Variants in CCNB3 observed in about 807,000 individuals in gnomAD.
The protein encoded by CCNB3 is G2/mitotic-specific cyclin-B3.
Under a neutral mutation model 68.0 loss-of-function variants are expected in CCNB3, and 12 were observed. The observed-to-expected ratio is 0.18, with a 90% CI of 0.11 to 0.29. The LOEUF (loss-of-function observed/expected upper bound fraction) is 0.29. Among genes scored for constraint, CCNB3 ranks in the 10% least tolerant of loss-of-function variants. CCNB3 has a pLI of 1.00. For synonymous variants in CCNB3, 354 were observed against 388.9 expected (o/e 0.91, Z 1.06); for missense variants, 904 against 993.1 (o/e 0.91, Z 1.21).
intron 8 of CCNB3, among the ~76,000 whole-genome samples, chrX:50,334,322 C>T (rs1349533908): frequency 3.6e-5 from 4 of 112,587 alleles, no homozygotes; most frequent in Non-Finnish European, 5.6e-5. Context: ...AGCAGGGTGG[C>T]GGGATTTAGG....
rs1290682355 is a variant in CCNB3, at chrX:50,309,133, GAGA to G, written c.967_969del (p.Lys323del). ...GTCCTCCATTAAGAAGCCTACCACTGAGAAGGAGACACTTTTCCAAGAGCTATC... is the reference window on the plus strand; with the variant it reads ...GTCCTCCATTAAGAAGCCTACCACTGAGGAGACACTTTTCCAAGAGCTATC... On this transcript the variant is annotated inframe_deletion, in exon 6 of 13. Coordinates refer to ENST00000376042, the MANE Select transcript of CCNB3 (RefSeq NM_033031.3). The G allele has an allele frequency of 2.5e-6, 3 of 1,209,307 alleles. No individual in the cohort carries two copies. The highest frequency in any genetic ancestry group is 3.4e-6 in the Non-Finnish European group (3 of 894,730).
At chrX:50,228,621 TATATAGAATATAC>T (rs1383247005) in intron 1 of CCNB3, among the ~76,000 whole-genome samples, 1 of 85,145 alleles carries the variant, frequency 1.2e-5, no homozygotes, top group Non-Finnish European at 2.2e-5. Flanking sequence ...ATATAGAATA[TATATAGAATATAC>T]ATATAGAATA....
chrX:50,297,141 C>G (rs1936490737), intron 5 of CCNB3, among the ~76,000 whole-genome samples: 1 of 111,465 alleles, frequency 9.0e-6, no homozygotes, highest in African/African-American at 3.3e-5. Context: ...TAATTAGATC[C>G]CATTTGTCAA....
Position 50,321,197 on chromosome X carries a change from A to G in CCNB3, c.3516+7249A>G, listed in dbSNP as rs782150925. On this transcript the variant is annotated intron_variant, in intron 8 of 12. Coordinates refer to ENST00000376042, the MANE Select transcript of CCNB3 (RefSeq NM_033031.3). ...ACCATTTATGCTTTTACCATTACTG[A>G]ATGAAAATGCTTATTTTCCCATAAT... 1.7e-4 allele frequency among the ~76,000 whole-genome samples: 19 copies of G among 111,914 alleles called. No homozygotes were observed. The South Asian group carries it at 4.8e-3, about 28-fold the overall frequency.
intron 8 of CCNB3, among the ~76,000 whole-genome samples, chrX:50,318,514 AAACAACAACAAC>A (rs1188293785): frequency 9.0e-6 from 1 of 111,676 alleles, no homozygotes; most frequent in Non-Finnish European, 1.9e-5. Flanking sequence ...CTCCATCTCA[AAACAACAACAAC>A]AACAACAAAG....
At chrX:50,307,807 T>C (rs782812100) in intron 5 of CCNB3, among the ~76,000 whole-genome samples, 1 of 111,649 alleles carries the variant, frequency 9.0e-6, no homozygotes, top group South Asian at 3.8e-4. Context: ...ATCTGGTCTT[T>C]AGAAGGTATT....
At chrX:50,311,917 CTGTGCTATA>C (rs1921483521) in intron 6 of CCNB3, among the ~76,000 whole-genome samples, 1 of 110,399 alleles carries the variant, frequency 9.1e-6, no homozygotes, top group South Asian at 4.0e-4. Context: ...GTCTGGACTA[CTGTGCTATA>C]TACTTGGGCT....
intron 1 of CCNB3, among the ~76,000 whole-genome samples, chrX:50,279,058 A>C (rs1177418971): frequency 3.4e-5 from 2 of 59,249 alleles, no homozygotes; most frequent in Non-Finnish European, 5.5e-5. Context: ...GAATATATAT[A>C]GAATATATTT....
chrX:50,314,677 A>G (rs1921634359), intron 8 of CCNB3, among the ~76,000 whole-genome samples: 1 of 111,944 alleles, frequency 8.9e-6, no homozygotes, highest in South Asian at 3.7e-4. Context: ...GACACAGTAT[A>G]TCTGAGCATC....
At chrX:50,302,582 C>T (rs1557212907) in intron 5 of CCNB3, among the ~76,000 whole-genome samples, 18 of 111,467 alleles carry the variant, frequency 1.6e-4, no homozygotes, top group Non-Finnish European at 5.7e-5. Flanking sequence ...TTCATTAACT[C>T]CAAAGAAACC....
In CCNB3 at chrX:50,308,858, C is replaced by T; in HGVS notation, c.689C>T (p.Ser230Phe). ...EEAAITKKTL[S>F]LKKKMCASQR... ...GCAGCCATCACCAAGAAGACATTAT[C>T]CTTAAAGAAGAAGATGTGTGCAAGT... The change falls in exon 6 of 13, where the codon TCC becomes TTC. Residue 230 changes from serine to phenylalanine, a missense_variant. Physicochemically the swap from Ser to Phe is radical, Grantham distance 155 (BLOSUM62 -2). Coordinates refer to ENST00000376042, the MANE Select transcript of CCNB3 (RefSeq NM_033031.3). The T allele has an allele frequency of 8.3e-7, 1 of 1,210,752 alleles. No individual in the cohort carries two copies. The highest frequency in any genetic ancestry group is 1.1e-6 in the Non-Finnish European group (1 of 895,232).
chrX:50,310,593 C>A lies in CCNB3; in HGVS notation c.2424C>A (p.Pro808=). Residue 808 remains proline, a synonymous_variant, in exon 6 of 13, where the codon CCC becomes CCA. Coordinates refer to ENST00000376042, the MANE Select transcript of CCNB3 (RefSeq NM_033031.3). ...AGCTTTTGGCCATGCAGGAGGAGCCCAGCATTGAGAAGGAAGCTGTCCTCA... is the reference window on the plus strand; with the variant it reads ...AGCTTTTGGCCATGCAGGAGGAGCCAAGCATTGAGAAGGAAGCTGTCCTCA... ...FKKLLAMQEE[P]SIEKEAVLKE... 3 of 1,211,583 alleles carry A rather than the reference C, an allele frequency of 2.5e-6. No homozygotes were observed. The highest frequency in any genetic ancestry group is 3.4e-6 in the Non-Finnish European group (3 of 895,479).
chrX:50,326,075 C>G (rs1342762976), intron 8 of CCNB3, among the ~76,000 whole-genome samples: 1 of 111,619 alleles, frequency 9.0e-6, no homozygotes. Flanking sequence ...TCTTAGTCAT[C>G]TTTCCATATA....
chrX:50,279,425 T>A (rs1179437721), intron 1 of CCNB3, among the ~76,000 whole-genome samples: 2 of 71,852 alleles, frequency 2.8e-5, no homozygotes, highest in Non-Finnish European at 4.6e-5. Context: ...AATATATAAA[T>A]ATATATAAAT....
intron 5 of CCNB3, among the ~76,000 whole-genome samples, chrX:50,295,828 G>C (rs1403738417): frequency 9.0e-6 from 1 of 111,398 alleles, no homozygotes; most frequent in African/African-American, 3.3e-5. Flanking sequence ...TTTGATGCTA[G>C]CTTCCACTGT....
At chrX:50,308,255 A>C (rs1277609491) in intron 5 of CCNB3, among the ~76,000 whole-genome samples, 4 of 112,217 alleles carry the variant, frequency 3.6e-5, no homozygotes, top group Non-Finnish European at 7.5e-5. Flanking sequence ...AAGCATATAT[A>C]AGAAAGCATA....
intron 8 of CCNB3, among the ~76,000 whole-genome samples, chrX:50,341,407 G>T (rs1413383415): frequency 9.4e-6 from 1 of 106,092 alleles, no homozygotes. Flanking sequence ...CTTTACAAAG[G>T]TAGACAAATA....
intron 8 of CCNB3, among the ~76,000 whole-genome samples, chrX:50,321,346 T>G (rs1557216550): frequency 8.9e-6 from 1 of 112,247 alleles, no homozygotes; most frequent in East Asian, 2.8e-4. Context: ...TTCTTATAAC[T>G]TTAAGATTTG....
At chrX:50,305,109 G>A (rs1936734049) in intron 5 of CCNB3, among the ~76,000 whole-genome samples, 1 of 111,658 alleles carries the variant, frequency 9.0e-6, no homozygotes, top group Non-Finnish European at 1.9e-5. Context: ...ATTCCTCAGG[G>A]ATCTAGAACT....
Sources: allele counts gnomAD v4.1 joint callset (sites outside exome capture counted in the v4.1 genomes callset), GRCh38; gene constraint gnomAD v4.1.1; transcripts MANE v1.5; gene names NCBI Gene and HGNC (gene_info 2026-07-23, HGNC 2026-07-21).